Variants in GPC5 observed in about 807,000 individuals in gnomAD.
The protein encoded by GPC5 is glypican 5.
GPC5 carries 47 observed loss-of-function variants against 53.9 expected under a neutral mutation model. The ratio of observed to expected loss-of-function variants is 0.87; its 90% CI spans 0.69 to 1.11. The LOEUF (loss-of-function observed/expected upper bound fraction) is 1.11. GPC5 is among the 50% of genes most tolerant of loss of function. The pLI is 0.00. For synonymous variants in GPC5, 286 were observed against 263.3 expected (o/e 1.09, Z -0.84); for missense variants, 748 against 713.1 (o/e 1.05, Z -0.56).
intron 1 of GPC5, among the ~76,000 whole-genome samples, chr13:91,420,782 C>G (rs1878564943): frequency 6.6e-6 from 1 of 152,162 alleles, no homozygotes; most frequent in African/African-American, 2.4e-5. Flanking sequence ...TTATAAGGAG[C>G]TCTTCACTCT....
intron 6 of GPC5, among the ~76,000 whole-genome samples, chr13:92,038,557 A>G (rs1357155318): frequency 6.7e-6 from 1 of 149,882 alleles, no homozygotes; most frequent in African/African-American, 2.4e-5. Flanking sequence ...TATTATATAT[A>G]CTATATATAT....
chr13:92,509,438 C>T (rs1566621073), intron 7 of GPC5: 1 of 152,162 alleles, frequency 6.6e-6, no homozygotes, highest in Non-Finnish European at 1.5e-5. Context: ...CTTGACACAC[C>T]TCTCGCCTTG....
chr13:92,296,932 A>G (rs1251311071), intron 7 of GPC5, among the ~76,000 whole-genome samples: 3 of 152,258 alleles, frequency 2.0e-5, no homozygotes, highest in East Asian at 3.9e-4. Flanking sequence ...GCAGCCCGCC[A>G]TGCCTGAGCC....
intron 7 of GPC5, among the ~76,000 whole-genome samples, chr13:92,290,386 A>C (rs1184711129): frequency 6.6e-6 from 1 of 152,130 alleles, no homozygotes; most frequent in Non-Finnish European, 1.5e-5. Flanking sequence ...GTTTGGTTAC[A>C]TCAGTAAGTT....
chr13:92,156,569 G>A (rs1356465669), intron 7 of GPC5, among the ~76,000 whole-genome samples: 1 of 151,952 alleles, frequency 6.6e-6, no homozygotes. Context: ...ACTGAGTTTT[G>A]TTTTATTTAA....
intron 1 of GPC5, among the ~76,000 whole-genome samples, chr13:91,429,668 G>A (rs905086144): frequency 2.0e-5 from 3 of 152,186 alleles, no homozygotes; most frequent in African/African-American, 7.2e-5. Flanking sequence ...AGGTGAGTTA[G>A]TGGCACTAGA....
chr13:92,779,971 G>A (rs1875959067), intron 7 of GPC5, among the ~76,000 whole-genome samples: 1 of 152,086 alleles, frequency 6.6e-6, no homozygotes, highest in African/African-American at 2.4e-5. Context: ...GACGTTTTCA[G>A]TTGAAAGTTA....
intron 1 of GPC5, among the ~76,000 whole-genome samples, chr13:91,441,958 A>G (rs1454013503): frequency 6.6e-6 from 1 of 152,210 alleles, no homozygotes; most frequent in East Asian, 1.9e-4. Flanking sequence ...ACTCTTCTCT[A>G]TGTCTACCAT....
intron 2 of GPC5, among the ~76,000 whole-genome samples, chr13:91,553,987 T>C (rs940678605): frequency 6.6e-6 from 1 of 152,020 alleles, no homozygotes; most frequent in Non-Finnish European, 1.5e-5. Context: ...GTTTGGAACA[T>C]TGGATATCTT....
At chr13:92,142,407 C>T (rs147325273) in intron 6 of GPC5, among the ~76,000 whole-genome samples, 17 of 152,002 alleles carry the variant, frequency 1.1e-4, no homozygotes, top group Admixed American at 2.6e-4. Context: ...CTCCTTAGCA[C>T]GAATAGTTAA....
At chr13:92,526,980 T>C (rs1325216271) in intron 7 of GPC5, among the ~76,000 whole-genome samples, 1 of 151,292 alleles carries the variant, frequency 6.6e-6, no homozygotes, top group Non-Finnish European at 1.5e-5. Context: ...TGTTCACTCA[T>C]GCTTGCTAAA....
intron 7 of GPC5, among the ~76,000 whole-genome samples, chr13:92,319,390 T>C (rs2043200895): frequency 7.3e-6 from 1 of 136,506 alleles, no homozygotes. Context: ...TTTTTCCCCA[T>C]GATAATGCAT....
At chr13:92,026,121 C>T (rs1024148569) in intron 6 of GPC5, among the ~76,000 whole-genome samples, 1 of 152,096 alleles carries the variant, frequency 6.6e-6, no homozygotes, top group Non-Finnish European at 1.5e-5. Context: ...GAATGTTTTT[C>T]CAGCATACCT....
At chr13:91,565,050 C>T (rs1488823456) in intron 2 of GPC5, among the ~76,000 whole-genome samples, 2 of 151,052 alleles carry the variant, frequency 1.3e-5, no homozygotes, top group Non-Finnish European at 2.9e-5. Context: ...AGTGTAGTGG[C>T]GTGATCTTGG....
intron 7 of GPC5, among the ~76,000 whole-genome samples, chr13:92,755,604 G>T (rs1344053127): frequency 1.4e-5 from 2 of 147,530 alleles, no homozygotes; most frequent in East Asian, 4.5e-4. Context: ...AAGAAAAAAA[G>T]AGAGAAGAAT....
At chr13:91,553,335 A>C (rs865937309) in intron 2 of GPC5, among the ~76,000 whole-genome samples, 4 of 115,908 alleles carry the variant, frequency 3.5e-5, no homozygotes, top group Admixed American at 9.1e-5. Context: ...TGGAAGGCAG[A>C]AATAGCATAA....
intron 5 of GPC5, among the ~76,000 whole-genome samples, chr13:91,878,612 GTCCCT>G (rs1412015094): frequency 6.6e-6 from 1 of 152,114 alleles, no homozygotes; most frequent in African/African-American, 2.4e-5. Context: ...GGGGGTGGTT[GTCCCT>G]ATGCTGCTGG....
At chr13:92,747,384 A>T (rs1012739120) in intron 7 of GPC5, among the ~76,000 whole-genome samples, 2 of 152,176 alleles carry the variant, frequency 1.3e-5, no homozygotes, top group African/African-American at 4.8e-5. Context: ...ATCAGAGAAC[A>T]AATCCATAAC....
chr13:92,095,269 C>A (rs1189493155), intron 6 of GPC5, among the ~76,000 whole-genome samples: 5 of 152,118 alleles, frequency 3.3e-5, no homozygotes, highest in Admixed American at 1.3e-4. Context: ...AGTACCAATT[C>A]TCCTTTTTTC....
Sources: allele counts gnomAD v4.1 joint callset (sites outside exome capture counted in the v4.1 genomes callset), GRCh38; gene constraint gnomAD v4.1.1; transcripts MANE v1.5; gene names NCBI Gene and HGNC (gene_info 2026-07-23, HGNC 2026-07-21).